TRHDE: variants seen among roughly 807,000 people sequenced by gnomAD.
The protein encoded by TRHDE is thyrotropin releasing hormone degrading enzyme.
Under a neutral mutation model 125.7 loss-of-function variants are expected in TRHDE, and 72 were observed. The observed-to-expected ratio is 0.57, with a 90% confidence interval of 0.47 to 0.70. TRHDE has a LOEUF of 0.70. Ranked by LOEUF, TRHDE falls within the 30% of genes least tolerant of loss-of-function variation. TRHDE has a pLI of 0.00. For synonymous variants in TRHDE, 509 were observed against 509.1 expected (o/e 1.00, Z 0.00); for missense variants, 1,110 against 1,327.1 (o/e 0.84, Z 2.54).
At chr12:72,396,769 A>G (rs1872809673) in intron 3 of TRHDE, among the ~76,000 whole-genome samples, 1 of 152,080 alleles carries the variant, frequency 6.6e-6, no homozygotes, top group Admixed American at 6.5e-5. Context: ...CAAACAAAAA[A>G]CAAAAAAACT....
At chr12:72,221,477 G>C (rs1877998878) in intron 2 of TRHDE, among the ~76,000 whole-genome samples, 1 of 152,012 alleles carries the variant, frequency 6.6e-6, no homozygotes, top group Admixed American at 6.6e-5. Flanking sequence ...CAGCAGACTA[G>C]AGATAACACT....
At chr12:72,596,630 C>T (rs1871952352) in intron 12 of TRHDE, among the ~76,000 whole-genome samples, 1 of 152,126 alleles carries the variant, frequency 6.6e-6, no homozygotes, top group African/African-American at 2.4e-5. Flanking sequence ...TTTCGTAATG[C>T]TTCACAGAAG....
chr12:72,306,291 T>A (rs1868340185), intron 2 of TRHDE, among the ~76,000 whole-genome samples: 1 of 152,212 alleles, frequency 6.6e-6, no homozygotes, highest in Non-Finnish European at 1.5e-5. Flanking sequence ...CATCCATCAG[T>A]TTTTGATTCC....
chr12:72,272,163 C>G (rs1565678683), upstream of TRHDE: 2 of 457,032 alleles, frequency 4.4e-6, no homozygotes, highest in African/African-American at 2.0e-5. The surrounding 1 kb of genome is among the most constrained non-coding windows in gnomAD (Gnocchi z 6.7). Context: ...AACGCCGCCG[C>G]TGGAGTGGGG....
At chr12:72,192,733 TGTTAC>T (rs2139349761) in intron 2 of TRHDE, among the ~76,000 whole-genome samples, 1 of 152,286 alleles carries the variant, frequency 6.6e-6, no homozygotes, top group South Asian at 2.1e-4. Flanking sequence ...ACAGAGTTGC[TGTTAC>T]GTTAAAAGGG....
chr12:72,189,788 T>C (rs1055107177), intron 2 of TRHDE, among the ~76,000 whole-genome samples: 3 of 152,124 alleles, frequency 2.0e-5, no homozygotes, highest in Non-Finnish European at 4.4e-5. Flanking sequence ...CTATCAGTTT[T>C]GGGTGAGAGT....
intron 6 of TRHDE, among the ~76,000 whole-genome samples, chr12:72,517,207 T>A (rs1259080363): frequency 6.6e-6 from 1 of 151,588 alleles, no homozygotes; most frequent in African/African-American, 2.4e-5. Context: ...TGGAATAGTT[T>A]CAGAAGGAAT....
Position 72,485,536 on chromosome 12 carries a change from A to C in TRHDE, c.1584+12356A>C, listed in dbSNP as rs563015825. The stretch of plus-strand genomic sequence containing the variant: ...AGAGCAGTCACGCCTCTGGCACCAC[A>C]GCTGAGGGACATCAGGGGCCTCTGC... On this transcript the variant is annotated intron_variant, in intron 5 of 18. Coordinates refer to ENST00000261180, the MANE Select transcript of TRHDE (RefSeq NM_013381.3). Among the ~76,000 whole-genome samples the C allele has an allele frequency of 3.3e-5, 5 of 152,210 alleles. No homozygotes were observed. The South Asian group carries it at 1.0e-3, about 32-fold the overall frequency.
intron 2 of TRHDE, among the ~76,000 whole-genome samples, chr12:72,211,176 A>G (rs1054010343): frequency 3.9e-5 from 6 of 152,110 alleles, no homozygotes; most frequent in South Asian, 2.1e-4. Context: ...TTTGGATTAC[A>G]GAGGTTCCAC....
At chr12:72,595,296 CAAA>C (rs796067758) in intron 12 of TRHDE, among the ~76,000 whole-genome samples, 2 of 151,438 alleles carry the variant, frequency 1.3e-5, no homozygotes, top group Non-Finnish European at 2.9e-5. Flanking sequence ...AATAAGCATT[CAAA>C]AAAACAAAAT....
At chr12:72,233,229 G>A (rs1878280497) in intron 2 of TRHDE, among the ~76,000 whole-genome samples, 1 of 152,144 alleles carries the variant, frequency 6.6e-6, no homozygotes, top group South Asian at 2.1e-4. Context: ...CGAGAAGGTG[G>A]AAGCTCCAGG....
At chr12:72,306,121 A>T (rs1026560850) in intron 2 of TRHDE, among the ~76,000 whole-genome samples, 5 of 152,170 alleles carry the variant, frequency 3.3e-5, no homozygotes, top group African/African-American at 1.2e-4. Flanking sequence ...GTGGATATCA[A>T]ATCGAAACTC....
chr12:72,566,229 CTTTGTT>C (rs1289289021), intron 9 of TRHDE, among the ~76,000 whole-genome samples: 1 of 151,878 alleles, frequency 6.6e-6, no homozygotes, highest in Admixed American at 6.6e-5. Context: ...TTTAATTTGT[CTTTGTT>C]ACTATATGTA....
At chr12:72,588,065 T>A (rs1871518442) in intron 12 of TRHDE, among the ~76,000 whole-genome samples, 1 of 152,172 alleles carries the variant, frequency 6.6e-6, no homozygotes, top group Non-Finnish European at 1.5e-5. Flanking sequence ...TCAGCAAGCA[T>A]CTTTCACGGA....
At chr12:72,159,961 G>A (rs76747484) in intron 2 of TRHDE, among the ~76,000 whole-genome samples, 2,517 of 151,536 alleles carry the variant, frequency 0.017, 65 homozygotes, top group South Asian at 0.11. Context: ...ATCTTTCTAA[G>A]TGCTTTAGAG....
rs571244823 is a variant in TRHDE at position 72,409,378 on chromosome 12, A to T, written c.1315+31257A>T. ...TACTATCTAATAGAAATAGAAACAC[A>T]TGGTGGAGCAGATCCTATTAATCTA... is the stretch of plus-strand genomic sequence containing the variant. On this transcript the variant is annotated intron_variant, in intron 3 of 18. Coordinates refer to ENST00000261180, the MANE Select transcript of TRHDE (RefSeq NM_013381.3). Among the ~76,000 whole-genome samples the T allele has an allele frequency of 2.5e-4, 38 of 152,324 alleles. No homozygotes were observed. The East Asian group carries it at 3.9e-3, about 15-fold the overall frequency.
rs1332351197 is a variant in TRHDE at position 72,235,628 on chromosome 12, T to C, written n.279+129876T>C. 2.0e-5 allele frequency among the ~76,000 whole-genome samples: 3 copies of C among 152,334 alleles called. No homozygotes were observed. In the East Asian group the frequency reaches 5.8e-4, roughly 29 times the overall value. ...TATGAAGGGCTCAGCTGGATGGCTCTGTTTCCAATAGTGGTTCAGATGGCT... is the reference window on the plus strand; with the variant it reads ...TATGAAGGGCTCAGCTGGATGGCTCCGTTTCCAATAGTGGTTCAGATGGCT... On this transcript the variant is annotated intron_variant and non_coding_transcript_variant, in intron 2 of 4. Coordinates refer to the TRHDE transcript ENST00000548156.
chr12:72,482,460 T>G (rs974331313), intron 5 of TRHDE, among the ~76,000 whole-genome samples: 13 of 151,988 alleles, frequency 8.6e-5, no homozygotes, highest in African/African-American at 3.1e-4. Context: ...TTATTATTTT[T>G]ATATTACATG....
intron 12 of TRHDE, among the ~76,000 whole-genome samples, chr12:72,576,470 C>T (rs555238842): frequency 6.6e-6 from 1 of 152,018 alleles, no homozygotes; most frequent in African/African-American, 2.4e-5. Context: ...AAGCATATTA[C>T]ACACTACAGG....
Sources: gnomAD v4.1 joint callset for allele counts (sites outside exome capture counted in the v4.1 genomes callset) on GRCh38, gnomAD v4.1.1 for gene constraint, Gnocchi (gnomAD v3.1) non-coding constraint, MANE v1.5 for transcripts, NCBI Gene and HGNC (gene_info 2026-07-23, HGNC 2026-07-21) for gene names.